ENG: variants seen among roughly 807,000 people sequenced by gnomAD.
ENG encodes the protein CD105 antigen.
In ENG, 17 loss-of-function variants were observed where a neutral mutation model predicts 71.0. That is an observed-to-expected ratio of 0.24 (90% CI 0.16 to 0.36). The LOEUF is 0.36. Ranked by LOEUF, ENG falls within the 10% of genes least tolerant of loss-of-function variation. ENG has a pLI of 1.00. For missense variants in ENG, 749 were observed against 868.3 expected (o/e 0.86, Z 1.73); for synonymous variants, 360 against 366.9 (o/e 0.98, Z 0.21).
chr9:127,827,781 C>T (rs181005824), intron 3 of ENG, among the ~76,000 whole-genome samples: 2 of 151,880 alleles, frequency 1.3e-5, no homozygotes, highest in Non-Finnish European at 2.9e-5. Context: ...TTTGGGAGGC[C>T]GAGGCGGGTG....
rs1400050647 is a variant in ENG, at chr9:127,825,783, G to A, written c.601C>T (p.Pro201Ser). 6.3e-7 allele frequency: 1 copy of A among 1,595,660 alleles called. No homozygotes were observed. Among genetic ancestry groups the A allele is most frequent in the African/African-American group, 1.3e-5 (1 of 74,634 alleles). ...GRTLEWRPRT[P>S]ALVRGCHLEG... The stretch of plus-strand genomic sequence containing the variant: ...AAGTGGCAGCCCCGGACCAAGGCTG[G>A]AGTACGCGGCCGCCACTCGAGCGTG... Residue 201 changes from proline (P) to serine (S), a missense_variant, in exon 5 of 15, where the codon CCA becomes TCA. Coordinates refer to ENST00000373203, the MANE Select transcript of ENG (RefSeq NM_001114753.3).
rs1427261977 is a variant in ENG, at chr9:127,825,828, C to T, written c.556G>A (p.Ala186Thr). ...AGCGTGCGGCCCATGTCCTGGCTGGCTTCCAGCATGCAGAAGGACAGTGAC... is the reference window on the plus strand; with the variant it reads ...AGCGTGCGGCCCATGTCCTGGCTGGTTTCCAGCATGCAGAAGGACAGTGAC... ...QGSLSFCMLE[A>T]SQDMGRTLEW... The change falls in exon 5 of 15, where the codon GCC (alanine) becomes ACC (threonine). Residue 186 changes from alanine to threonine, a missense_variant. Transcript: ENST00000373203. 1.3e-6 allele frequency: 2 copies of T among 1,597,856 alleles called. No individual in the cohort carries two copies.
At chr9:127,820,835 A>G (rs568389691) in intron 8 of ENG, among the ~76,000 whole-genome samples, 10 of 151,452 alleles carry the variant, frequency 6.6e-5, no homozygotes, top group African/African-American at 2.4e-4. Context: ...TCTCAAAAAA[A>G]AAAAATATAT....
chr9:127,827,478 C>T (rs1830648696), intron 3 of ENG, among the ~76,000 whole-genome samples: 1 of 152,028 alleles, frequency 6.6e-6, no homozygotes, highest in African/African-American at 2.4e-5. Flanking sequence ...AGGAGGAAAG[C>T]AGACAGGGAA....
In ENG at chr9:127,848,082, T is replaced by C. The variant is rs574208292; in HGVS notation, c.68-4837A>G. Among the ~76,000 whole-genome samples the C allele has an allele frequency of 5.3e-5, 8 of 152,058 alleles. No homozygotes were observed. The South Asian group carries it at 1.5e-3, about 28-fold the overall frequency. On this transcript the variant is annotated intron_variant, in intron 1 of 14. Transcript: ENST00000373203. ...GTCATCATAACAGCTTCCCATGGAGTCGGCAAGCAGGCCAGTAAATTACAC... is the reference window on the plus strand; with the variant it reads ...GTCATCATAACAGCTTCCCATGGAGCCGGCAAGCAGGCCAGTAAATTACAC...
chr9:127,846,308 A>T lies in ENG; in HGVS notation c.68-3063T>A, dbSNP rs1263868467. 1.3e-5 allele frequency among the ~76,000 whole-genome samples: 2 copies of T among 152,134 alleles called. No homozygotes were observed. Among genetic ancestry groups the T allele is most frequent in the African/African-American group, 2.4e-5 (1 of 41,418 alleles). On this transcript the variant is annotated intron_variant, in intron 1 of 14. Transcript: ENST00000373203. The surrounding 1 kb of genome is among the most constrained non-coding windows in gnomAD (Gnocchi z 5.5). ...TACCTAGCTTAAGCCCCTCCTACTC[A>T]GATGGGGAGACTGAGGTCTGGAGGG...
chr9:127,829,680 C>T lies in ENG; in HGVS notation c.360+7G>A. ...CCTCAGCCTGGGGTTGGAGGGAACACACTCACGTAGGCCAAGTGCAGTGGG... is the reference window on the plus strand; with the variant it reads ...CCTCAGCCTGGGGTTGGAGGGAACATACTCACGTAGGCCAAGTGCAGTGGG... On this transcript the variant is annotated splice_region_variant and intron_variant, in intron 3 of 14. Coordinates refer to ENST00000373203, the MANE Select transcript of ENG (RefSeq NM_001114753.3). 3 of 1,613,954 alleles carry T rather than the reference C, an allele frequency of 1.9e-6. No individual in the cohort carries two copies. The highest frequency in any genetic ancestry group is 8.5e-7 in the Non-Finnish European group (1 of 1,179,936).
In ENG at chr9:127,854,311, G is replaced by C. The variant is rs768137759; in HGVS notation, c.45C>G (p.Ala15=). Reference sequence around the variant, plus strand: ...TACTTGTGGGGCTGAGGCTGCAGCTGGCCAGCAGCAGGGCAACAGCCAGAG... The same window carrying C: ...TACTTGTGGGGCTGAGGCTGCAGCTCGCCAGCAGCAGGGCAACAGCCAGAG... ...TLPLAVALLL[A]SCSLSPTSLA... is the part of the protein sequence containing the mutation. The change falls in exon 1 of 15, where the codon GCC becomes GCG. Residue 15 remains alanine (A), a synonymous_variant. Coordinates refer to ENST00000373203, the MANE Select transcript of ENG (RefSeq NM_001114753.3). 6 of 1,594,686 alleles carry C rather than the reference G, an allele frequency of 3.8e-6. No individual in the cohort carries two copies. The African/African-American group carries it at 6.7e-5, about 18-fold the overall frequency.
Position 127,825,242 on chromosome 9 carries a change from T to A in ENG, c.805A>T (p.Met269Leu). The stretch of plus-strand genomic sequence containing the variant: ...TGCGCACAACTCACCCAGATCTGCA[T>A]GTTGTGGTTGGCGTCGATGAGCCAG... ...VSWLIDANHNMQIWTTGEYSF... is the reference protein window; with the variant it reads ...VSWLIDANHNLQIWTTGEYSF... The change falls in exon 6 of 15, where the codon ATG becomes TTG. Residue 269 changes from methionine (M) to leucine (L), a missense_variant. Met to Leu is a conservative substitution (Grantham distance 15). Coordinates refer to ENST00000373203, the MANE Select transcript of ENG (RefSeq NM_001114753.3). The A allele has an allele frequency of 6.2e-7, 1 of 1,612,584 alleles. No homozygotes were observed. The highest frequency in any genetic ancestry group is 8.5e-7 in the Non-Finnish European group (1 of 1,179,718).
At chr9:127,842,954 G>T (rs893465301) in intron 2 of ENG, 140 bp downstream of exon 2, 1 of 1,363,074 alleles carries the variant, frequency 7.3e-7, no homozygotes, top group African/African-American at 1.4e-5. Flanking sequence ...CCTGTGAGAT[G>T]CCCACATCAC....
intron 8 of ENG, chr9:127,822,577 A>G (rs1382274803): frequency 2.6e-5 from 4 of 152,238 alleles, no homozygotes; most frequent in African/African-American, 9.6e-5. Flanking sequence ...ATGTGTAACA[A>G]GGGAAGAGGA....
In ENG at chr9:127,818,197, A is replaced by G. The variant is rs1242912080; in HGVS notation, c.1609T>C (p.Tyr537His). The G allele has an allele frequency of 1.9e-6, 3 of 1,614,086 alleles. No individual in the cohort carries two copies. In the African/African-American group the frequency reaches 4.0e-5, roughly 22 times the overall value. The change falls in exon 12 of 15, where the codon TAC (tyrosine) becomes CAC (histidine). Residue 537 changes from tyrosine to histidine, a missense_variant. Coordinates refer to ENST00000373203, the MANE Select transcript of ENG (RefSeq NM_001114753.3). The part of the protein sequence containing the change: ...DPRFSFLLHF[Y>H]TVPIPKTGTL... ...CCGGTTTTGGGTATGGGTACTGTGT[A>G]GAAGTGGAGGAGGAAGCTGAAGCGC...
At chr9:127,830,659 CA>C (rs536765549) in intron 2 of ENG, among the ~76,000 whole-genome samples, 1 of 150,380 alleles carries the variant, frequency 6.6e-6, no homozygotes, top group East Asian at 2.0e-4. Flanking sequence ...AAAAAAAAAA[CA>C]AAAAACAAAC....
At chr9:127,830,713 A>G (rs76326400) in intron 2 of ENG, among the ~76,000 whole-genome samples, 1,630 of 152,114 alleles carry the variant, frequency 0.011, 30 homozygotes, top group African/African-American at 0.036. Context: ...CAAGGATCAA[A>G]TGAGAACCTG....
Position 127,815,725 on chromosome 9 carries a change from C to A in ENG, c.1934G>T (p.Gly645Val). 1 of 1,560,284 alleles carries A rather than the reference C, an allele frequency of 6.4e-7. No individual in the cohort carries two copies. The highest frequency in any genetic ancestry group is 8.6e-7 in the Non-Finnish European group (1 of 1,158,038). Residue 645 changes from glycine (G) to valine (V), a missense_variant, in exon 15 of 15, where the codon GGG (glycine) becomes GTG (valine). Physicochemically the swap from Gly to Val is moderately radical, Grantham distance 109 (BLOSUM62 -3). Transcript: ENST00000373203. ...SESSSTNHSIGSTQSTPCSTS... is the reference protein window; with the variant it reads ...SESSSTNHSIVSTQSTPCSTS... ...GGAGCAGGGGGTGCTCTGGGTGCTC[C>A]CGATGCTGTGGTTGGTGCTGCTGCT...
chr9:127,844,501 G>GCAGCCTCAGCCT (rs61337946), intron 1 of ENG, among the ~76,000 whole-genome samples: 4 of 151,150 alleles, frequency 2.6e-5, no homozygotes, highest in South Asian at 4.2e-4. Flanking sequence ...ATAGCTCACT[G>GCAGCCTCAGCCT]CAGCCTCAGC....
chr9:127,829,542 A>G, intron 3 of ENG, 145 bp downstream of exon 3: 1 of 1,156,194 alleles, frequency 8.6e-7, no homozygotes, highest in Non-Finnish European at 1.2e-6. Flanking sequence ...TGGCTTCACC[A>G]GGCAGGACCC....
chr9:127,825,393 G>T (rs747532721), intron 5 of ENG, 36 bp from the exon 6 acceptor site: 1 of 1,605,490 alleles, frequency 6.2e-7, no homozygotes. Flanking sequence ...ACACTGAAGC[G>T]GACAGGCCAG....
intron 2 of ENG, among the ~76,000 whole-genome samples, chr9:127,842,188 T>A (rs1049688874): frequency 2.6e-5 from 4 of 151,092 alleles, no homozygotes; most frequent in African/African-American, 9.7e-5. Flanking sequence ...GGGAGAAAGA[T>A]CTGGGCTCAA....
Sources: allele counts gnomAD v4.1 joint callset (sites outside exome capture counted in the v4.1 genomes callset), GRCh38; gene constraint gnomAD v4.1.1; non-coding constraint Gnocchi (gnomAD v3.1); transcripts MANE v1.5; gene names NCBI Gene and HGNC (gene_info 2026-07-23, HGNC 2026-07-21).